Variants in THEMIS observed in about 807,000 individuals in gnomAD.
THEMIS encodes protein THEMIS.
In THEMIS, 37 loss-of-function variants were observed where a neutral mutation model predicts 52.6. The ratio of observed to expected loss-of-function variants is 0.70; its 90% CI spans 0.54 to 0.93. The LOEUF is 0.93. Ranked by LOEUF, THEMIS falls within the 40% of genes least tolerant of loss-of-function variation. THEMIS has a pLI of 0.00. For synonymous variants in THEMIS, 292 were observed against 272.7 expected (o/e 1.07, Z -0.70); for missense variants, 808 against 763.1 (o/e 1.06, Z -0.69).
chr6:127,917,356 T>C (rs1332137046), intron 1 of THEMIS, among the ~76,000 whole-genome samples: 4 of 152,182 alleles, frequency 2.6e-5, no homozygotes, highest in Non-Finnish European at 5.9e-5. Flanking sequence ...GCAAGCTACA[T>C]AAATCAACAA....
chr6:127,867,170 C>T (rs967166415), intron 1 of THEMIS, among the ~76,000 whole-genome samples: 2 of 151,884 alleles, frequency 1.3e-5, no homozygotes, highest in Admixed American at 6.6e-5. Context: ...TTGAATGCAG[C>T]TGTACTTAGG....
intron 4 of THEMIS, among the ~76,000 whole-genome samples, chr6:127,751,081 G>A (rs1457201823): frequency 1.3e-5 from 2 of 151,694 alleles, no homozygotes; most frequent in African/African-American, 4.8e-5. Flanking sequence ...TTATGTTACA[G>A]TGGAGGTACA....
intron 1 of THEMIS, among the ~76,000 whole-genome samples, chr6:127,881,661 CT>C (rs1196503722): frequency 6.6e-6 from 1 of 151,860 alleles, no homozygotes; most frequent in Non-Finnish European, 1.5e-5. Context: ...TTATTTTCCT[CT>C]ACAGCTTTTG....
downstream of THEMIS, among the ~76,000 whole-genome samples, chr6:127,704,667 G>A (rs915148443): frequency 1.2e-4 from 19 of 152,336 alleles, no homozygotes; most frequent in Admixed American, 8.5e-4. Context: ...ATAAGATCAA[G>A]TAAGCCCAGC....
chr6:127,754,138 A>G (rs2114351352), intron 4 of THEMIS, among the ~76,000 whole-genome samples: 1 of 152,142 alleles, frequency 6.6e-6, no homozygotes, highest in East Asian at 1.9e-4. Context: ...ACATTTTTTA[A>G]ATGCTTTACA....
intron 4 of THEMIS, among the ~76,000 whole-genome samples, chr6:127,765,645 T>A (rs1162131754): frequency 6.6e-6 from 1 of 152,120 alleles, no homozygotes; most frequent in Non-Finnish European, 1.5e-5. Flanking sequence ...AAGATTATAA[T>A]ACTGTATCTT....
chr6:127,730,770 A>C (rs1232113917), intron 4 of THEMIS, among the ~76,000 whole-genome samples: 1 of 152,200 alleles, frequency 6.6e-6, no homozygotes, highest in Non-Finnish European at 1.5e-5. Context: ...CCATAGAATG[A>C]TTCTTTTACT....
intron 4 of THEMIS, among the ~76,000 whole-genome samples, chr6:127,761,564 A>G (rs1776022445): frequency 1.3e-5 from 2 of 152,162 alleles, no homozygotes; most frequent in South Asian, 2.1e-4. Context: ...TGTATTAAGA[A>G]GTGCATAAGG....
intron 2 of THEMIS, among the ~76,000 whole-genome samples, chr6:127,848,324 T>C (rs1779294561): frequency 6.6e-6 from 1 of 152,052 alleles, no homozygotes; most frequent in Non-Finnish European, 1.5e-5. Context: ...CAGTCTACCA[T>C]TGTTGGACAT....
intron 4 of THEMIS, among the ~76,000 whole-genome samples, chr6:127,720,775 G>A (rs1774335495): frequency 6.6e-6 from 1 of 151,904 alleles, no homozygotes; most frequent in Non-Finnish European, 1.5e-5. Context: ...AGGAAATTAG[G>A]CTTTAGAATG....
intron 4 of THEMIS, among the ~76,000 whole-genome samples, chr6:127,780,269 C>T (rs1389550062): frequency 1.3e-5 from 2 of 151,972 alleles, no homozygotes; most frequent in Non-Finnish European, 2.9e-5. Flanking sequence ...TTCTTCCATC[C>T]CTTTATTTTG....
At chr6:127,741,341 G>C (rs1775195855) in intron 4 of THEMIS, among the ~76,000 whole-genome samples, 1 of 151,972 alleles carries the variant, frequency 6.6e-6, no homozygotes, top group East Asian at 1.9e-4. Flanking sequence ...TTCTGATCTT[G>C]AAAATAGCTG....
chr6:127,720,217 T>C (rs907966302), intron 4 of THEMIS, among the ~76,000 whole-genome samples: 2 of 151,980 alleles, frequency 1.3e-5, no homozygotes, highest in African/African-American at 4.8e-5. Context: ...GCAGATTTCA[T>C]TTCTGTATCA....
At chr6:127,774,427 G>C (rs542015827) in intron 4 of THEMIS, among the ~76,000 whole-genome samples, 2 of 152,068 alleles carry the variant, frequency 1.3e-5, no homozygotes, top group Admixed American at 1.3e-4. Flanking sequence ...GGATGGTCTC[G>C]ATCTCCTGAC....
Position 127,897,757 on chromosome 6 carries a change from C to T in THEMIS, c.91+3085G>A, listed in dbSNP as rs551022758. 2.6e-5 allele frequency among the ~76,000 whole-genome samples: 4 copies of T among 151,618 alleles called. No individual in the cohort carries two copies. In the East Asian group the frequency reaches 5.8e-4, roughly 22 times the overall value. ...GCTTCCAAGGGTGAATGTACACACA[C>T]AATATGACATAGTAATCCTACTTAC... On this transcript the variant is annotated intron_variant, in intron 1 of 5. Coordinates refer to ENST00000368248, the MANE Select transcript of THEMIS (RefSeq NM_001010923.3).
downstream of THEMIS, among the ~76,000 whole-genome samples, chr6:127,705,057 A>G (rs370382862): frequency 5.3e-5 from 8 of 152,226 alleles, no homozygotes; most frequent in African/African-American, 1.9e-4. Flanking sequence ...ATGGCCTGCA[A>G]TCAAGATAAA....
intron 4 of THEMIS, among the ~76,000 whole-genome samples, chr6:127,807,911 G>A (rs542541405): frequency 2.6e-5 from 4 of 152,198 alleles, no homozygotes; most frequent in Non-Finnish European, 5.9e-5. Flanking sequence ...AGCAGCAGCT[G>A]CTGAAGTGTT....
intron 1 of THEMIS, among the ~76,000 whole-genome samples, chr6:127,888,258 T>C (rs1780703542): frequency 1.3e-5 from 2 of 152,094 alleles, no homozygotes; most frequent in South Asian, 4.1e-4. Flanking sequence ...AAGATTTTTA[T>C]TTTGAGAAAA....
At chr6:127,886,031 C>T (rs553855442) in intron 1 of THEMIS, among the ~76,000 whole-genome samples, 1 of 152,228 alleles carries the variant, frequency 6.6e-6, no homozygotes, top group South Asian at 2.1e-4. Context: ...TCTCTCATAT[C>T]GTTTCTGATC....
Sources: gnomAD v4.1 joint callset for allele counts (sites outside exome capture counted in the v4.1 genomes callset) on GRCh38, gnomAD v4.1.1 for gene constraint, MANE v1.5 for transcripts, NCBI Gene and HGNC (gene_info 2026-07-23, HGNC 2026-07-21) for gene names.